LPGAT1: variants seen among roughly 807,000 people sequenced by gnomAD.
LPGAT1 encodes the protein acyl-CoA:lysophosphatidylglycerol acyltransferase 1.
A neutral mutation model predicts 47.5 loss-of-function variants in LPGAT1; 11 were observed. The ratio of observed to expected loss-of-function variants is 0.23; its 90% CI spans 0.15 to 0.38. The LOEUF (loss-of-function observed/expected upper bound fraction) is 0.38, where lower values mean the gene tolerates loss of function less well. Ranked by LOEUF, LPGAT1 falls within the 10% of genes least tolerant of loss-of-function variation. The pLI, the probability that LPGAT1 is intolerant of heterozygous loss-of-function variation, is 1.00. For missense variants in LPGAT1, 293 were observed against 439.0 expected (o/e 0.67, Z 2.97); for synonymous variants, 138 against 144.2 (o/e 0.96, Z 0.31).
intron 6 of LPGAT1, among the ~76,000 whole-genome samples, chr1:211,768,156 AT>A (rs1658019085): frequency 6.6e-6 from 1 of 152,208 alleles, no homozygotes; most frequent in South Asian, 2.1e-4. Flanking sequence ...TAATTTGAGT[AT>A]TTCAATATCC....
intron 4 of LPGAT1, among the ~76,000 whole-genome samples, chr1:211,785,977 T>G (rs1658862653): frequency 6.6e-6 from 1 of 152,164 alleles, no homozygotes; most frequent in Non-Finnish European, 1.5e-5. Flanking sequence ...AATTATTTCC[T>G]AAAGCTGGAA....
In LPGAT1 at chr1:211,759,542, C is replaced by T. The variant is rs186951529; in HGVS notation, c.855-8475G>A. Among the ~76,000 whole-genome samples the T allele has an allele frequency of 9.5e-4, 144 of 152,198 alleles. 1 individual carries two copies. The highest frequency in any genetic ancestry group is 3.4e-3 in the Middle Eastern group (1 of 294). On this transcript the variant is annotated intron_variant, in intron 6 of 7. Transcript: ENST00000366997. Reference sequence around the variant, plus strand: ...TCAACAAATTCTCCTTCATTTTTCCCGCTTTCTACTGTAATTGGATTTAAT... The same window carrying T: ...TCAACAAATTCTCCTTCATTTTTCCTGCTTTCTACTGTAATTGGATTTAAT...
At chr1:211,750,152 A>T in intron 7 of LPGAT1, 102 bp from the exon 8 acceptor site, 1 of 962,914 alleles carries the variant, frequency 1.0e-6, no homozygotes, top group Non-Finnish European at 1.6e-6. Flanking sequence ...ATGTTAAAGC[A>T]CCTTCAGTGA....
At chr1:211,789,165 T>C (rs887227942) in intron 3 of LPGAT1, among the ~76,000 whole-genome samples, 17 of 152,240 alleles carry the variant, frequency 1.1e-4, no homozygotes, top group African/African-American at 3.6e-4. Flanking sequence ...TACAGTACTA[T>C]GTTTAAATAA....
Position 211,750,011 on chromosome 1 carries a change from G to A in LPGAT1, c.1001C>T (p.Ser334Phe), listed in dbSNP as rs763468305. The A allele has an allele frequency of 2.5e-6, 4 of 1,614,070 alleles. No individual in the cohort carries two copies. Among genetic ancestry groups the A allele is most frequent in the Non-Finnish European group, 2.5e-6 (3 of 1,179,964 alleles). ...CAAGTTGCTGAGGGTCATCTCCCTG[G>A]AAACAGCTTCCTTATGGCCCTTGGA... ...PPSKGHKEAV[S>F]REMTLSNLWI... The change falls in exon 8 of 8, where the codon TCC becomes TTC. Residue 334 changes from serine to phenylalanine, a missense_variant. By Grantham distance (155) the Ser-to-Phe change is radical. Coordinates refer to ENST00000366997, the MANE Select transcript of LPGAT1 (RefSeq NM_014873.3).
In LPGAT1 at chr1:211,792,910, C is replaced by T. The variant is rs537992489; in HGVS notation, c.357+162G>A. Among the ~76,000 whole-genome samples, 5 of 152,142 alleles carry T rather than the reference C, an allele frequency of 3.3e-5. No homozygotes were observed. In the South Asian group the frequency reaches 1.0e-3, roughly 32 times the overall value. ...TATTTTTAGTAGAGATGGGGTTTCACCCTGTTGTCCTGGATGGCCTCGATC... is the reference window on the plus strand; with the variant it reads ...TATTTTTAGTAGAGATGGGGTTTCATCCTGTTGTCCTGGATGGCCTCGATC... On this transcript the variant is annotated intron_variant, in intron 3 of 7. Coordinates refer to ENST00000366997, the MANE Select transcript of LPGAT1 (RefSeq NM_014873.3).
chr1:211,804,753 T>C (rs1659694158), intron 2 of LPGAT1, among the ~76,000 whole-genome samples: 1 of 152,194 alleles, frequency 6.6e-6, no homozygotes, highest in Admixed American at 6.5e-5. Flanking sequence ...TACAGTAAAG[T>C]GCTAGACCAA....
chr1:211,799,128 G>T (rs1048652106), intron 2 of LPGAT1, among the ~76,000 whole-genome samples: 1 of 151,950 alleles, frequency 6.6e-6, no homozygotes, highest in Admixed American at 6.6e-5. Context: ...CAAGTACATT[G>T]TACACACTAG....
intron 3 of LPGAT1, among the ~76,000 whole-genome samples, chr1:211,792,711 C>CTTT (rs34552405): frequency 0.086 from 8,995 of 104,538 alleles, 1,059 homozygotes; most frequent in Admixed American, 0.14. Context: ...AATTGATTCC[C>CTTT]TTTTTTTTTT....
chr1:211,772,192 G>A (rs1463940415), intron 6 of LPGAT1, among the ~76,000 whole-genome samples: 2 of 152,194 alleles, frequency 1.3e-5, no homozygotes, highest in Non-Finnish European at 2.9e-5. Flanking sequence ...TTATTGGATA[G>A]TTTGTCGTTT....
chr1:211,820,282 A>C (rs1047496679), intron 2 of LPGAT1, among the ~76,000 whole-genome samples: 5 of 152,162 alleles, frequency 3.3e-5, no homozygotes, highest in African/African-American at 1.2e-4. Flanking sequence ...AGTCACAAGG[A>C]AAAAAAGGTA....
At chr1:211,807,631 A>T (rs1269992895) in intron 2 of LPGAT1, among the ~76,000 whole-genome samples, 1 of 152,218 alleles carries the variant, frequency 6.6e-6, no homozygotes, top group Non-Finnish European at 1.5e-5. Flanking sequence ...TCTTTGACAA[A>T]GATGTAAAGT....
intron 6 of LPGAT1, among the ~76,000 whole-genome samples, chr1:211,769,139 C>T (rs1349920584): frequency 2.6e-5 from 4 of 151,944 alleles, no homozygotes; most frequent in Non-Finnish European, 4.4e-5. Flanking sequence ...AATTCTCCAG[C>T]GGACAAAGGT....
chr1:211,778,216 C>T (rs1658488893), intron 6 of LPGAT1, among the ~76,000 whole-genome samples: 1 of 152,030 alleles, frequency 6.6e-6, no homozygotes, highest in Non-Finnish European at 1.5e-5. Flanking sequence ...GTGGCGGGCG[C>T]CTGTAGTCCC....
intron 6 of LPGAT1, among the ~76,000 whole-genome samples, chr1:211,774,632 C>G (rs1658320764): frequency 1.3e-5 from 2 of 152,110 alleles, no homozygotes; most frequent in Admixed American, 6.5e-5. Flanking sequence ...AAGACAGGCT[C>G]TAGTATACAA....
chr1:211,800,193 A>ATTTTTTTTTTT (rs376366429), intron 2 of LPGAT1, among the ~76,000 whole-genome samples: 5 of 141,872 alleles, frequency 3.5e-5, no homozygotes, highest in Admixed American at 7.1e-5. Flanking sequence ...TGTCCAGCTA[A>ATTTTTTTTTTT]TTTTTTTTTT....
intron 3 of LPGAT1, among the ~76,000 whole-genome samples, chr1:211,789,614 G>A (rs964893506): frequency 6.6e-6 from 1 of 152,110 alleles, no homozygotes; most frequent in Non-Finnish European, 1.5e-5. Flanking sequence ...GGGCACGATG[G>A]CTCACGCCTA....
intron 2 of LPGAT1, among the ~76,000 whole-genome samples, chr1:211,826,827 C>T (rs139034617): frequency 5.8e-4 from 88 of 152,230 alleles, no homozygotes; most frequent in African/African-American, 2.0e-3. Flanking sequence ...AGCAGAATTC[C>T]TTTGGCAATG....
At chr1:211,775,565 T>C (rs993692562) in intron 6 of LPGAT1, among the ~76,000 whole-genome samples, 2 of 152,166 alleles carry the variant, frequency 1.3e-5, no homozygotes, top group Non-Finnish European at 2.9e-5. Context: ...TAGAAACTTA[T>C]TATAGATTTA....
Sources: gnomAD v4.1 joint callset for allele counts (sites outside exome capture counted in the v4.1 genomes callset) on GRCh38, gnomAD v4.1.1 for gene constraint, MANE v1.5 for transcripts, NCBI Gene and HGNC (gene_info 2026-07-23, HGNC 2026-07-21) for gene names.